Variants in UBAP2 observed in about 807,000 individuals in gnomAD.
UBAP2 encodes ubiquitin-associated protein 2.
Under a neutral mutation model 139.6 loss-of-function variants are expected in UBAP2, and 75 were observed. The observed-to-expected ratio is 0.54, with a 90% CI of 0.45 to 0.65. The LOEUF is 0.65. UBAP2 is among the 30% of genes least tolerant of loss of function. The pLI, the probability that UBAP2 is intolerant of heterozygous loss-of-function variation, is 0.00. For missense variants in UBAP2, 1,368 were observed against 1,369.6 expected (o/e 1.00, Z 0.02); for synonymous variants, 526 against 526.2 (o/e 1.00, Z 0.01).
chr9:33,996,255 T>C lies in UBAP2; in HGVS notation c.256A>G (p.Ile86Val), dbSNP rs1339562927. ...GAATTCCCTTCCAGCAATATATTGA[T>C]AGCTTTGTTCACATCTCCATTACAA... The part of the protein sequence containing the change: ...HDCNGDVNKA[I>V]NILLEGNSDT... Residue 86 changes from isoleucine (I) to valine (V), a missense_variant, in exon 4 of 29, where the codon ATC becomes GTC. Transcript: ENST00000379238. The C allele has an allele frequency of 1.9e-6, 3 of 1,613,444 alleles. No individual in the cohort carries two copies. Among genetic ancestry groups the C allele is most frequent in the East Asian group, 4.5e-5 (2 of 44,848 alleles).
chr9:34,031,277 CAAA>C (rs767083775), intron 1 of UBAP2, among the ~76,000 whole-genome samples: 5 of 71,750 alleles, frequency 7.0e-5, no homozygotes, highest in African/African-American at 5.2e-5. Flanking sequence ...AACTCAGTCT[CAAA>C]AAAAAAAAAA....
At chr9:33,996,701 A>G (rs1381384962) in intron 3 of UBAP2, 2 of 205,566 alleles carry the variant, frequency 9.7e-6, no homozygotes, top group Non-Finnish European at 2.0e-5. Context: ...GTGGAACTAT[A>G]TGAGTACACG....
chr9:33,922,829 A>G lies in UBAP2; in HGVS notation c.3122T>C (p.Leu1041Pro). 6.3e-7 allele frequency: 1 copy of G among 1,575,288 alleles called. No homozygotes were observed. Among genetic ancestry groups the G allele is most frequent in the Non-Finnish European group, 8.6e-7 (1 of 1,159,208 alleles). Residue 1041 changes from leucine (L) to proline (P), a missense_variant, in exon 28 of 29, where the codon CTG becomes CCG. Leu to Pro is a moderately conservative substitution (Grantham distance 98, BLOSUM62 -3). Transcript: ENST00000379238. ...CCCAGTGGAGCCCAAGACCGAGGGC[A>G]GGCTGAAAGGTGGAGGCGTCCCTGC... is the stretch of plus-strand genomic sequence containing the variant. Reference protein sequence around the residue: ...FHAGTPPPFSLPSVLGSTGPL... With the variant: ...FHAGTPPPFSPPSVLGSTGPL...
intron 8 of UBAP2, among the ~76,000 whole-genome samples, chr9:33,967,438 T>C (rs966737125): frequency 6.6e-6 from 1 of 152,246 alleles, no homozygotes; most frequent in Non-Finnish European, 1.5e-5. Context: ...CTGTAACACC[T>C]GCTGAAAGTT....
At chr9:33,965,345 A>G (rs964232761) in intron 8 of UBAP2, among the ~76,000 whole-genome samples, 2 of 152,170 alleles carry the variant, frequency 1.3e-5, no homozygotes, top group African/African-American at 2.4e-5. Flanking sequence ...TATTTTGTAT[A>G]TAAGTCCTTA....
At chr9:33,924,509 C>A (rs554880103) in intron 22 of UBAP2, among the ~76,000 whole-genome samples, 53 of 152,354 alleles carry the variant, frequency 3.5e-4, no homozygotes, top group African/African-American at 1.2e-3. Context: ...TGCAGCTTCA[C>A]CAGGCAGAGC....
In UBAP2 at chr9:33,994,699, G is replaced by C. The variant is rs1822002646; in HGVS notation, c.288+1524C>G. On this transcript the variant is annotated intron_variant, in intron 4 of 28. Transcript: ENST00000379238. Reference sequence around the variant, plus strand: ...AAAAAAATCACAAATTTGATGGTTTGTCTTGTGTACCAGTGTTCTCTTACA... The same window carrying C: ...AAAAAAATCACAAATTTGATGGTTTCTCTTGTGTACCAGTGTTCTCTTACA... 2.7e-5 allele frequency: 4 copies of C among 150,416 alleles called. No individual in the cohort carries two copies. The South Asian group carries it at 8.4e-4, about 31-fold the overall frequency. The allele number at this position is 150,416 out of a possible 1,614,324, so 9.3% of individuals were successfully genotyped here.
chr9:33,961,197 GA>G (rs1001811906), intron 9 of UBAP2, among the ~76,000 whole-genome samples: 4 of 152,180 alleles, frequency 2.6e-5, no homozygotes, highest in Admixed American at 2.0e-4. Flanking sequence ...CCATGAGTAA[GA>G]AAAGTATGGA....
At chr9:33,986,449 T>C (rs1821223805) in intron 6 of UBAP2, among the ~76,000 whole-genome samples, 1 of 152,148 alleles carries the variant, frequency 6.6e-6, no homozygotes, top group Admixed American at 6.5e-5. Flanking sequence ...TAAAATAAGG[T>C]TTAAAAAACC....
Position 33,960,847 on chromosome 9 carries a change from T to C in UBAP2, c.777A>G (p.Thr259=). 23 of 1,613,846 alleles carry C rather than the reference T, an allele frequency of 1.4e-5. No homozygotes were observed. Among genetic ancestry groups the C allele is most frequent in the Non-Finnish European group, 1.9e-5 (22 of 1,180,014 alleles). ...GAWKNSVEEW[T]TEDWTEDLSE... ...TTACATCTTCAGTCCAGTCTTCTGT[T>C]GTCCACTCTTCCACAGAATTCTTCC... The change falls in exon 10 of 29, where the codon ACA becomes ACG. Residue 259 remains threonine, a synonymous_variant. Transcript: ENST00000379238.
At chr9:33,946,633 T>C (rs922293533) in intron 13 of UBAP2, among the ~76,000 whole-genome samples, 3 of 152,124 alleles carry the variant, frequency 2.0e-5, no homozygotes, top group Admixed American at 2.0e-4. Flanking sequence ...GCTCAAGCAA[T>C]CCTCCTCCTT....
chr9:33,977,151 G>A (rs372529460), intron 6 of UBAP2, among the ~76,000 whole-genome samples: 3 of 148,980 alleles, frequency 2.0e-5, no homozygotes, highest in East Asian at 4.1e-4. Flanking sequence ...CAATTCTCCC[G>A]CCTCAGCCTC....
Position 33,962,680 on chromosome 9 carries a change from A to ATAATTAAT in UBAP2, c.745+1045_745+1046insATTAATTA, listed in dbSNP as rs59415900. Among the ~76,000 whole-genome samples, 860 of 145,588 alleles carry ATAATTAAT rather than the reference A, an allele frequency of 5.9e-3. 11 individuals carry two copies. The highest frequency in any genetic ancestry group is 0.032 in the East Asian group (156 of 4,830). On this transcript the variant is annotated intron_variant, in intron 9 of 28. Transcript: ENST00000379238. ...AATAAATAAATAAATAAATAAATAAATAATTAAAAAATAGGGCCTGGAGCA... is the reference window on the plus strand; with the variant it reads ...AATAAATAAATAAATAAATAAATAAATAATTAATTAATTAAAAAATAGGGCCTGGAGCA...
At chr9:33,995,498 T>C (rs977799057) in intron 4 of UBAP2, 2 of 130,760 alleles carry the variant, frequency 1.5e-5, no homozygotes, top group East Asian at 4.0e-4. Context: ...TTATTAAATA[T>C]ATATATTTAT....
At chr9:34,036,427 A>G (rs1438017393) in intron 1 of UBAP2, among the ~76,000 whole-genome samples, 1 of 151,980 alleles carries the variant, frequency 6.6e-6, no homozygotes, top group Non-Finnish European at 1.5e-5. Context: ...TTGATACTTG[A>G]TTCTATAGGA....
At chr9:33,959,649 T>C (rs1587565813) in intron 10 of UBAP2, among the ~76,000 whole-genome samples, 1 of 152,302 alleles carries the variant, frequency 6.6e-6, no homozygotes, top group East Asian at 1.9e-4. Flanking sequence ...ACTTATAGAC[T>C]GACAGTACCC....
chr9:33,978,892 T>C (rs1820393541), intron 6 of UBAP2, among the ~76,000 whole-genome samples: 2 of 152,198 alleles, frequency 1.3e-5, no homozygotes, highest in South Asian at 4.1e-4. Context: ...GTTGCCTTTT[T>C]TGCATTATTT....
chr9:33,965,184 G>A (rs1281326152), intron 8 of UBAP2, among the ~76,000 whole-genome samples: 2 of 152,132 alleles, frequency 1.3e-5, no homozygotes, highest in Admixed American at 6.5e-5. Flanking sequence ...CTCTCCAAGT[G>A]TACAATTTAG....
chr9:33,951,752 G>A (rs1283045328), intron 12 of UBAP2, among the ~76,000 whole-genome samples: 1 of 152,034 alleles, frequency 6.6e-6, no homozygotes, highest in African/African-American at 2.4e-5. Context: ...TTCTCATGCT[G>A]GTCACTACAT....
Sources: gnomAD v4.1 joint callset for allele counts (sites outside exome capture counted in the v4.1 genomes callset) on GRCh38, gnomAD v4.1.1 for gene constraint, MANE v1.5 for transcripts, NCBI Gene and HGNC (gene_info 2026-07-23, HGNC 2026-07-21) for gene names.